The following ANKRD11 variants were observed in gnomAD, a reference collection of about 807,000 sequenced individuals.
The protein encoded by ANKRD11 is ankyrin repeat domain-containing protein 11.
A neutral mutation model predicts 195.7 loss-of-function variants in ANKRD11; 17 were observed. The ratio of observed to expected loss-of-function variants is 0.09; its 90% CI spans 0.06 to 0.13. The LOEUF (loss-of-function observed/expected upper bound fraction) is 0.13, where lower values mean the gene tolerates loss of function less well. Ranked by LOEUF, ANKRD11 falls within the 10% of genes least tolerant of loss-of-function variation. The probability of loss-of-function intolerance (pLI) is 1.00; values close to 1 mark genes in which losing one functional copy is unlikely to be tolerated. For synonymous variants in ANKRD11, 1,953 were observed against 1,528.1 expected, an observed-to-expected ratio of 1.28 and a Z score of -6.49; for missense variants, 3,735 against 3,566.1, an observed-to-expected ratio of 1.05 and a Z score of -1.21.
At chr16:89,330,661 G>C (rs894749044) in intron 2 of ANKRD11, among the ~76,000 whole-genome samples, 3 of 13,130 alleles carry the variant, frequency 2.3e-4, no homozygotes, top group Non-Finnish European at 9.7e-4. Flanking sequence ...AGTGACTGGG[G>C]GGGGGGGGGG....
At chr16:89,381,331 CAAAAAA>C (rs10567322) in intron 2 of ANKRD11, among the ~76,000 whole-genome samples, 1,209 of 76,348 alleles carry the variant, frequency 0.016, 28 homozygotes, top group African/African-American at 0.065. Flanking sequence ...GACTCTGCTG[CAAAAAA>C]AAAAAAAAAA....
chr16:89,412,733 G>C (rs2042148943), intron 2 of ANKRD11, among the ~76,000 whole-genome samples: 1 of 152,102 alleles, frequency 6.6e-6, no homozygotes, highest in African/African-American at 2.4e-5. Flanking sequence ...TAAGCCAGCT[G>C]TAAAAAATGA....
intron 3 of ANKRD11, among the ~76,000 whole-genome samples, chr16:89,310,412 G>T (rs2036546404): frequency 6.6e-6 from 1 of 152,148 alleles, no homozygotes; most frequent in Non-Finnish European, 1.5e-5. Flanking sequence ...AGGTGGCTTT[G>T]GTTATTCTAG....
intron 2 of ANKRD11, among the ~76,000 whole-genome samples, chr16:89,361,222 C>G (rs2039717193): frequency 6.6e-6 from 1 of 152,238 alleles, no homozygotes; most frequent in Non-Finnish European, 1.5e-5. Flanking sequence ...ACCCCAGCAG[C>G]ACATCCCCCT....
intron 3 of ANKRD11, among the ~76,000 whole-genome samples, chr16:89,309,080 G>A (rs990518028): frequency 2.6e-5 from 4 of 152,110 alleles, no homozygotes; most frequent in South Asian, 2.1e-4. Flanking sequence ...CAGAAGACAA[G>A]AGAACACACA....
chr16:89,478,469 C>T (rs908443338), intron 1 of ANKRD11, among the ~76,000 whole-genome samples: 1 of 152,156 alleles, frequency 6.6e-6, no homozygotes, highest in African/African-American at 2.4e-5. Context: ...AGCCCCCACC[C>T]GGTAACTCAT....
chr16:89,445,738 G>A (rs1213588459), intron 1 of ANKRD11, among the ~76,000 whole-genome samples: 1 of 152,112 alleles, frequency 6.6e-6, no homozygotes, highest in Non-Finnish European at 1.5e-5. Flanking sequence ...ACTTTGGGAG[G>A]CTGAGGCAGG....
chr16:89,284,526 T>A lies in ANKRD11; in HGVS notation c.2016A>T (p.Ile672=), dbSNP rs988520695. 1.9e-6 allele frequency: 3 copies of A among 1,614,162 alleles called. No homozygotes were observed. The highest frequency in any genetic ancestry group is 2.7e-5 in the African/African-American group (2 of 75,046). Residue 672 remains isoleucine (I), a synonymous_variant, in exon 9 of 13, where the codon ATA becomes ATT. Coordinates refer to ENST00000301030, the MANE Select transcript of ANKRD11 (RefSeq NM_013275.6). ...EDSKQKSDKA[I]LLENDLSTEN... is the part of the protein sequence containing the mutation. The stretch of plus-strand genomic sequence containing the variant: ...CAGTGGAAAGATCATTCTCTAACAG[T>A]ATAGCCTTATCTGACTTCTGCTTGG...
chr16:89,303,044 C>T (rs1408172386), intron 4 of ANKRD11, among the ~76,000 whole-genome samples: 1 of 152,310 alleles, frequency 6.6e-6, no homozygotes, highest in South Asian at 2.1e-4. Flanking sequence ...AGCTTCTCTG[C>T]ACCATGATGA....
At chr16:89,278,170 GGGC>G in intron 9 of ANKRD11, 1 of 299,380 alleles carries the variant, frequency 3.3e-6, no homozygotes, top group Admixed American at 4.8e-5. Context: ...CCACACGCTG[GGGC>G]TGGATGGACC....
intron 3 of ANKRD11, among the ~76,000 whole-genome samples, chr16:89,312,741 A>G (rs544299211): frequency 6.6e-6 from 1 of 152,112 alleles, no homozygotes. Flanking sequence ...CATGCGGGGG[A>G]GTTCTGGGCT....
In ANKRD11 at chr16:89,273,062, A is replaced by AG. The variant is rs1487967898; in HGVS notation, c.7713+1751_7713+1752insC. ...TGGGTACCAAAAAAAAAAAAAAAAAAAAGAATGGATAAGACCTACTATCTA... is the reference window on the plus strand; with the variant it reads ...TGGGTACCAAAAAAAAAAAAAAAAAAGAAGAATGGATAAGACCTACTATCTA... On this transcript the variant is annotated intron_variant, in intron 11 of 12. Transcript: ENST00000301030. 5.3e-5 allele frequency: 8 copies of AG among 151,914 alleles called. No homozygotes were observed. In the East Asian group the frequency reaches 1.5e-3, roughly 29 times the overall value. 9.4% of individuals were successfully genotyped at this position (151,914 alleles called of 1,614,324 possible).
intron 2 of ANKRD11, among the ~76,000 whole-genome samples, chr16:89,394,603 G>A (rs1316854058): frequency 2.0e-5 from 3 of 150,636 alleles, no homozygotes; most frequent in Non-Finnish European, 4.4e-5. Flanking sequence ...ACTCCAGCCT[G>A]GGCGACAAAA....
intron 3 of ANKRD11, among the ~76,000 whole-genome samples, chr16:89,306,133 ACCTC>A (rs2036212581): frequency 1.9e-5 from 1 of 51,874 alleles, no homozygotes; most frequent in Non-Finnish European, 3.6e-5. Flanking sequence ...CACGCCACTT[ACCTC>A]CCACTCCGCA....
chr16:89,465,774 G>A (rs1394632395), intron 1 of ANKRD11, among the ~76,000 whole-genome samples: 1 of 152,098 alleles, frequency 6.6e-6, no homozygotes, highest in African/African-American at 2.4e-5. Flanking sequence ...GCAGTGACAC[G>A]ATCTCAGCTA....
rs2034615503 is a variant in ANKRD11, at chr16:89,285,937, CGAG to C, written c.892+99_892+101del. The C allele has an allele frequency of 2.5e-6, 4 of 1,575,368 alleles. No homozygotes were observed. Among genetic ancestry groups the C allele is most frequent in the African/African-American group, 2.7e-5 (2 of 74,348 alleles). On this transcript the variant is annotated intron_variant, in intron 8 of 12. Transcript: ENST00000301030. This position sits in a 1 kb window ranked among gnomAD's most constrained non-coding sequence, Gnocchi z 5.6. Reference sequence around the variant, plus strand: ...GAAGCTCCTGTAAGCCCCCAGCATCCGAGGAGGAGCTGATCAGAGGGGCAACAC... The same window carrying C: ...GAAGCTCCTGTAAGCCCCCAGCATCCGAGGAGCTGATCAGAGGGGCAACAC...
rs2151799534 is a variant in ANKRD11 at position 89,291,444 on chromosome 16, G to A, written c.227-261C>T. On this transcript the variant is annotated intron_variant, in intron 4 of 12. Transcript: ENST00000301030. This position sits in a 1 kb window ranked among gnomAD's most constrained non-coding sequence, Gnocchi z 5.3. ...TCTGCTAAGCCTGGGCCTCCACCGA[G>A]CATCCACTCACTCCAGGCACCTCTC... Among the ~76,000 whole-genome samples the A allele has an allele frequency of 6.6e-6, 1 of 152,104 alleles. No homozygotes were observed. Among genetic ancestry groups the A allele is most frequent in the South Asian group, 2.1e-4 (1 of 4,806 alleles).
At position 89,279,792 on chromosome 16, in the gene ANKRD11, T is replaced by C. The variant is rs752188262; in HGVS notation, c.6750A>G (p.Pro2250=). ...EPAPVPPEQR[P]LGSGDQGAEA... is the part of the protein sequence containing the mutation. ...CAGCCCCCTGGTCTCCGCTCCCCAG[T>C]GGGCGCTGTTCTGGGGGAACGGGCG... The change falls in exon 9 of 13, where the codon CCA becomes CCG. Residue 2250 remains proline, a synonymous_variant. Coordinates refer to ENST00000301030, the MANE Select transcript of ANKRD11 (RefSeq NM_013275.6). This position sits in a 1 kb window ranked among gnomAD's most constrained non-coding sequence, Gnocchi z 5.6. 29 of 1,536,958 alleles carry C rather than the reference T, an allele frequency of 1.9e-5. No individual in the cohort carries two copies. The highest frequency in any genetic ancestry group is 3.9e-5 in the Admixed American group (2 of 50,948).
chr16:89,442,001 G>A (rs1261306277), intron 1 of ANKRD11, among the ~76,000 whole-genome samples: 3 of 152,142 alleles, frequency 2.0e-5, no homozygotes, highest in African/African-American at 7.2e-5. Flanking sequence ...AAAAATCCTT[G>A]TACTGAAAGC....
Sources: allele counts gnomAD v4.1 joint callset (sites outside exome capture counted in the v4.1 genomes callset), GRCh38; gene constraint gnomAD v4.1.1; non-coding constraint Gnocchi (gnomAD v3.1); transcripts MANE v1.5; gene names NCBI Gene and HGNC (gene_info 2026-07-23, HGNC 2026-07-21).